The following BACH1 variants were observed in gnomAD, a reference collection of about 807,000 sequenced individuals.
BACH1 encodes the protein BTB domain and CNC homolog 1, also known as transcription regulator protein BACH1.
A neutral mutation model predicts 52.9 loss-of-function variants in BACH1; 35 were observed. The ratio of observed to expected loss-of-function variants is 0.66; its 90% confidence interval spans 0.51 to 0.88. The LOEUF (loss-of-function observed/expected upper bound fraction) is 0.88, where lower values mean the gene tolerates loss of function less well. Among genes scored for constraint, BACH1 ranks in the 40% least tolerant of loss-of-function variants. BACH1 has a pLI of 0.00. For synonymous variants in BACH1, 321 were observed against 319.6 expected, an observed-to-expected ratio of 1.00 and a Z score of -0.05; for missense variants, 808 against 872.6, an observed-to-expected ratio of 0.93 and a Z score of 0.93.
At chr21:29,333,635 G>A (rs1333288230) in intron 4 of BACH1, among the ~76,000 whole-genome samples, 4 of 152,166 alleles carry the variant, frequency 2.6e-5, no homozygotes, top group Non-Finnish European at 4.4e-5. Context: ...GCTATTGGCT[G>A]TTTGTTTTCC....
chr21:29,312,709 A>C (rs1008876639), intron 1 of BACH1, among the ~76,000 whole-genome samples: 4 of 152,234 alleles, frequency 2.6e-5, no homozygotes, highest in African/African-American at 9.6e-5. Context: ...AATATAGCAA[A>C]AGCTTCACAA....
At chr21:29,353,338 T>C (rs1045834765) in intron 2 of BACH1, among the ~76,000 whole-genome samples, 1 of 152,190 alleles carries the variant, frequency 6.6e-6, no homozygotes, top group Non-Finnish European at 1.5e-5. Context: ...TGGAAGAGTG[T>C]CTACCAGAAG....
intron 3 of BACH1, 77 bp from the exon 4 acceptor site, chr21:29,329,410 G>A (rs1266788910): frequency 3.3e-6 from 4 of 1,226,290 alleles, no homozygotes; most frequent in African/African-American, 3.1e-5. Context: ...AAACTTAGAT[G>A]TATACCTTCA....
At chr21:29,301,708 C>CTACAAT (rs2088605594) in intron 1 of BACH1, among the ~76,000 whole-genome samples, 1 of 152,168 alleles carries the variant, frequency 6.6e-6, no homozygotes, top group Admixed American at 6.5e-5. Context: ...TGAAGATAAT[C>CTACAAT]TACACATTGG....
chr21:29,323,788 C>T (rs186505695), intron 2 of BACH1, among the ~76,000 whole-genome samples: 3 of 152,234 alleles, frequency 2.0e-5, no homozygotes, highest in Non-Finnish European at 4.4e-5. Context: ...GTCCAGTGTC[C>T]GCCATTGATA....
At chr21:29,331,612 C>T (rs2088983687) in intron 4 of BACH1, among the ~76,000 whole-genome samples, 1 of 152,114 alleles carries the variant, frequency 6.6e-6, no homozygotes, top group Non-Finnish European at 1.5e-5. Flanking sequence ...TCTCCCTCTG[C>T]CTTTCCTTCT....
intron 3 of BACH1, among the ~76,000 whole-genome samples, chr21:29,327,713 C>G (rs530509824): frequency 6.6e-6 from 1 of 152,084 alleles, no homozygotes; most frequent in African/African-American, 2.4e-5. Context: ...CCCAGCTACT[C>G]GAGAGGCTGA....
At chr21:29,311,326 A>G (rs1380013927) in intron 1 of BACH1, among the ~76,000 whole-genome samples, 1 of 152,216 alleles carries the variant, frequency 6.6e-6, no homozygotes, top group East Asian at 1.9e-4. Flanking sequence ...CCAAGTGATC[A>G]ACCATTTACA....
chr21:29,326,956 G>A lies in BACH1; in HGVS notation c.1132G>A (p.Asp378Asn). 1.2e-6 allele frequency: 2 copies of A among 1,614,250 alleles called. No homozygotes were observed. Among genetic ancestry groups the A allele is most frequent in the Non-Finnish European group, 1.7e-6 (2 of 1,180,044 alleles). ...GAAATCCGACTTGGGCACCAGGGAAGATAGTAGTGTTGCATCTAGTGATAG... is the reference window on the plus strand; with the variant it reads ...GAAATCCGACTTGGGCACCAGGGAAAATAGTAGTGTTGCATCTAGTGATAG... ...PLKSDLGTREDSSVASSDRSS... is the reference protein window; with the variant it reads ...PLKSDLGTRENSSVASSDRSS... Residue 378 changes from aspartate to asparagine, a missense_variant, in exon 3 of 5, where the codon GAT becomes AAT. Transcript: ENST00000286800.
At chr21:29,334,893 G>T (rs986915052) in intron 4 of BACH1, among the ~76,000 whole-genome samples, 1 of 152,128 alleles carries the variant, frequency 6.6e-6, no homozygotes, top group Non-Finnish European at 1.5e-5. Context: ...CAACCAAAGC[G>T]CACCCCAGTG....
At chr21:29,328,418 T>C (rs1263344056) in intron 3 of BACH1, among the ~76,000 whole-genome samples, 1 of 152,034 alleles carries the variant, frequency 6.6e-6, no homozygotes, top group Non-Finnish European at 1.5e-5. Flanking sequence ...TTTGTTTTTA[T>C]ATTTTATGAT....
At position 29,343,164 on chromosome 21, in the gene BACH1, A is replaced by T. The variant is rs2070401; in HGVS notation, c.*331A>T. On this transcript the variant is annotated 3_prime_UTR_variant, in exon 5 of 5. Transcript: ENST00000286800. ...GAAAACTGCAGCATATCAGACAGCAATTTAACAGCTTGAAACATCTACAGA... is the reference window on the plus strand; with the variant it reads ...GAAAACTGCAGCATATCAGACAGCATTTTAACAGCTTGAAACATCTACAGA... 5.7e-6 allele frequency: 1 copy of T among 175,520 alleles called. No homozygotes were observed. The highest frequency in any genetic ancestry group is 5.6e-5 in the Admixed American group (1 of 18,012). The allele number at this position is 175,520 out of a possible 1,614,324, so 10.9% of individuals were successfully genotyped here. A position where few individuals can be genotyped will look rare whatever the true frequency, so the allele number is the denominator to read the frequency against.
chr21:29,325,331 C>G (rs2088897775), intron 2 of BACH1, among the ~76,000 whole-genome samples: 4 of 152,134 alleles, frequency 2.6e-5, no homozygotes, highest in Non-Finnish European at 4.4e-5. Context: ...ATGATGCCTT[C>G]TGTGTACTGG....
At chr21:29,354,724 G>A (rs1457616604) in intron 2 of BACH1, among the ~76,000 whole-genome samples, 2 of 152,224 alleles carry the variant, frequency 1.3e-5, no homozygotes, top group Admixed American at 6.5e-5. Flanking sequence ...TGTACTGCAG[G>A]CAAGGCATGC....
rs1416036341 is a variant in BACH1, at chr21:29,345,720, GAAA to G, written c.*2892_*2894del. The G allele has an allele frequency of 1.3e-5, 2 of 152,404 alleles. No homozygotes were observed. The highest frequency in any genetic ancestry group is 2.9e-5 in the Non-Finnish European group (2 of 67,952). The allele number at this position is 152,404 out of a possible 1,614,324, so 9.4% of individuals were successfully genotyped here. On this transcript the variant is annotated 3_prime_UTR_variant, in exon 5 of 5. Transcript: ENST00000286800. ...ACACTCAGTCACATTAACAACTTGGGAAAAAAATGGCAATGTTACGGTGAATTC... is the reference window on the plus strand; with the variant it reads ...ACACTCAGTCACATTAACAACTTGGGAAAATGGCAATGTTACGGTGAATTC...
At position 29,326,709 on chromosome 21, in the gene BACH1, T is replaced by C. The variant is rs1158927065; in HGVS notation, c.885T>C (p.Pro295=). The C allele has an allele frequency of 6.2e-7, 1 of 1,614,184 alleles. No homozygotes were observed. The highest frequency in any genetic ancestry group is 8.5e-7 in the Non-Finnish European group (1 of 1,180,050). Residue 295 remains proline, a synonymous_variant, in exon 3 of 5, where the codon CCT becomes CCC. Coordinates refer to ENST00000286800, the MANE Select transcript of BACH1 (RefSeq NM_001186.4). The part of the protein sequence containing the change: ...AMEPEETKKD[P]ASQCPTEKSE... The stretch of plus-strand genomic sequence containing the variant: ...AACCTGAAGAAACGAAGAAAGATCC[T>C]GCTTCTCAGTGCCCAACTGAAAAAT...
intron 1 of BACH1, among the ~76,000 whole-genome samples, chr21:29,306,385 T>G (rs2088658169): frequency 6.6e-6 from 1 of 151,720 alleles, no homozygotes; most frequent in Admixed American, 6.6e-5. Context: ...TTTCCTAGGT[T>G]GTTGCTATCA....
At chr21:29,322,907 A>G (rs986672600) in intron 2 of BACH1, among the ~76,000 whole-genome samples, 7 of 152,232 alleles carry the variant, frequency 4.6e-5, no homozygotes, top group African/African-American at 1.4e-4. Flanking sequence ...TGTATTAACT[A>G]TGGTTCATAT....
intron 2 of BACH1, among the ~76,000 whole-genome samples, chr21:29,358,818 A>AAAG (rs1555888633): frequency 5.8e-5 from 8 of 137,056 alleles, no homozygotes; most frequent in African/African-American, 1.6e-4. Flanking sequence ...AAGAAAGAAG[A>AAAG]AAGAAAGAAA....
Sources: gnomAD v4.1 joint callset for allele counts (sites outside exome capture counted in the v4.1 genomes callset) on GRCh38, gnomAD v4.1.1 for gene constraint, MANE v1.5 for transcripts, NCBI Gene and HGNC (gene_info 2026-07-23, HGNC 2026-07-21) for gene names.